LRRC9: variants seen among roughly 807,000 people sequenced by gnomAD.
The protein encoded by LRRC9 is leucine rich repeat containing 9, also known as leucine-rich repeat-containing protein 9.
Under a neutral mutation model 63.2 loss-of-function variants are expected in LRRC9, and 122 were observed. The observed-to-expected ratio is 1.93, with a 90% CI of 1.67 to 2.24. The LOEUF is 2.24. Among genes scored for constraint, LRRC9 ranks in the 30% most tolerant of loss-of-function variants. The pLI is 0.00. For missense variants in LRRC9, 1,071 were observed against 627.7 expected (o/e 1.71, Z -7.55); for synonymous variants, 366 against 213.1 (o/e 1.72, Z -6.25).
intron 31 of LRRC9, 108 bp from the exon 33 acceptor site, chr14:60,063,215 G>T: frequency 1.6e-6 from 1 of 631,292 alleles, no homozygotes; most frequent in South Asian, 1.8e-5. Context: ...TTGAAATTGC[G>T]CACATCTAAA....
In LRRC9 at chr14:60,017,978, A is replaced by G. The variant is rs780703430; in HGVS notation, c.3318-393A>G. Among the ~76,000 whole-genome samples the G allele has an allele frequency of 2.6e-5, 4 of 152,032 alleles. No homozygotes were observed. Among genetic ancestry groups the G allele is most frequent in the Non-Finnish European group, 4.4e-5 (3 of 67,956 alleles). On this transcript the variant is annotated intron_variant, in intron 24 of 31. Transcript: ENST00000445360. The surrounding 1 kb of genome is among the most constrained non-coding windows in gnomAD (Gnocchi z 4.0). ...GGTATTTCAGAAATGACCTACTTCA[A>G]TATATATCATCTGAAGTTTATAACC... is the stretch of plus-strand genomic sequence containing the variant.
At position 60,031,035 on chromosome 14, in the gene LRRC9, C is replaced by T. The variant is rs1175959387; in HGVS notation, c.3922-960C>T. On this transcript the variant is annotated intron_variant, in intron 28 of 31. Coordinates refer to ENST00000445360, the Ensembl canonical transcript of LRRC9. The surrounding 1 kb of genome is among the most constrained non-coding windows in gnomAD (Gnocchi z 4.6). ...TTTCACTAGTGACTACTGTTGTGTTCGGTTTAATTTGAGAAAATAATGTAA... is the reference window on the plus strand; with the variant it reads ...TTTCACTAGTGACTACTGTTGTGTTTGGTTTAATTTGAGAAAATAATGTAA... 1.3e-5 allele frequency among the ~76,000 whole-genome samples: 2 copies of T among 151,922 alleles called. No homozygotes were observed. Among genetic ancestry groups the T allele is most frequent in the Non-Finnish European group, 2.9e-5 (2 of 67,930 alleles).
chr14:59,931,265 T>G (rs1384103662), intron 4 of LRRC9, among the ~76,000 whole-genome samples: 1 of 152,112 alleles, frequency 6.6e-6, no homozygotes, highest in Non-Finnish European at 1.5e-5. Flanking sequence ...TTTACAAGGC[T>G]AAGAGGTAGG....
intron 13 of LRRC9, among the ~76,000 whole-genome samples, chr14:59,975,025 G>A (rs1594913136): frequency 3.1e-5 from 2 of 64,990 alleles, no homozygotes; most frequent in Non-Finnish European, 6.6e-5. Context: ...ATATATATAT[G>A]TGTCACAGCA....
chr14:60,006,822 C>A (rs908651152), intron 22 of LRRC9: 5 of 353,570 alleles, frequency 1.4e-5, no homozygotes, highest in Non-Finnish European at 2.5e-5. Context: ...CATTTGCTAT[C>A]CTTCTGGGGT....
At chr14:59,956,282 T>C (rs1566812378) in intron 8 of LRRC9, among the ~76,000 whole-genome samples, 1 of 152,168 alleles carries the variant, frequency 6.6e-6, no homozygotes, top group Admixed American at 6.5e-5. Flanking sequence ...AGTCTCTTTG[T>C]AGATCTCTAA....
At chr14:60,007,083 G>A (rs78782748) in intron 22 of LRRC9, among the ~76,000 whole-genome samples, 2,296 of 152,260 alleles carry the variant, frequency 0.015, 56 homozygotes, top group African/African-American at 0.052. Flanking sequence ...TACTTCAAAT[G>A]TCATGTGTGA....
At chr14:59,972,369 AATTTAC>A (rs1481469216) in intron 12 of LRRC9, among the ~76,000 whole-genome samples, 1 of 152,060 alleles carries the variant, frequency 6.6e-6, no homozygotes, top group Non-Finnish European at 1.5e-5. Context: ...TTAAAATACA[AATTTAC>A]ATTCATGTGT....
intron 1 of LRRC9, among the ~76,000 whole-genome samples, chr14:59,920,657 A>C (rs934017840): frequency 6.6e-6 from 1 of 152,124 alleles, no homozygotes; most frequent in African/African-American, 2.4e-5. Flanking sequence ...ATCCTTTTAT[A>C]CCCAAAGGAG....
In LRRC9 at chr14:60,022,718, T is replaced by A. The variant is rs1431196359; in HGVS notation, c.3567-16T>A. The A allele has an allele frequency of 1.7e-6, 1 of 587,250 alleles. No individual in the cohort carries two copies. The highest frequency in any genetic ancestry group is 2.2e-5 in the South Asian group (1 of 44,856). The allele number at this position is 587,250 out of a possible 1,614,324, so 36.4% of individuals were successfully genotyped here. A position where few individuals can be genotyped will look rare whatever the true frequency, so the allele number is the denominator to read the frequency against. ...GAAGTTAAGTTTATGGCCTCAAACT[T>A]ACCTATGTGTTTCAGAGATATAATG... On this transcript the variant is annotated splice_polypyrimidine_tract_variant and intron_variant, in intron 26 of 31. Coordinates refer to ENST00000445360, the Ensembl canonical transcript of LRRC9.
intron 8 of LRRC9, among the ~76,000 whole-genome samples, chr14:59,949,317 T>C (rs532753803): frequency 6.6e-6 from 1 of 152,314 alleles, no homozygotes; most frequent in East Asian, 1.9e-4. Flanking sequence ...TAGTATTCTC[T>C]GATGGTAGTT....
chr14:59,959,849 C>T (rs551403585), exon 9 of LRRC9: 10 of 658,494 alleles, frequency 1.5e-5, no homozygotes, highest in African/African-American at 1.1e-4. Flanking sequence ...CTCAAGGGCT[C>T]GGGCAAAGGG....
At chr14:60,000,165 C>G (rs1429226579) in intron 19 of LRRC9, among the ~76,000 whole-genome samples, 2 of 152,090 alleles carry the variant, frequency 1.3e-5, no homozygotes, top group South Asian at 2.1e-4. Context: ...AGCTGGAGAC[C>G]ATTATCCTAA....
Position 59,923,259 on chromosome 14 carries a change from AT to A in LRRC9, c.-34+3378del, listed in dbSNP as rs1888933297. The stretch of plus-strand genomic sequence containing the variant: ...AACTTATAGAATTTGGGGTTTTTAA[AT>A]TAAATTGTATTTTTCTAATTAGCTG... On this transcript the variant is annotated intron_variant, in intron 1 of 31. Transcript: ENST00000445360. The surrounding 1 kb of genome is among the most constrained non-coding windows in gnomAD (Gnocchi z 4.2). Among the ~76,000 whole-genome samples the A allele has an allele frequency of 6.6e-6, 1 of 152,230 alleles. No homozygotes were observed. The highest frequency in any genetic ancestry group is 2.4e-5 in the African/African-American group (1 of 41,470).
At chr14:59,942,000 C>T (rs1199983569) in intron 7 of LRRC9, among the ~76,000 whole-genome samples, 2 of 152,192 alleles carry the variant, frequency 1.3e-5, no homozygotes, top group Non-Finnish European at 2.9e-5. Flanking sequence ...TACAATTCTA[C>T]TCTGTACTTC....
chr14:59,955,197 G>A (rs993931758), intron 8 of LRRC9, among the ~76,000 whole-genome samples: 1 of 152,094 alleles, frequency 6.6e-6, no homozygotes, highest in Non-Finnish European at 1.5e-5. Context: ...TCTATTGTTT[G>A]GAATAGTTTC....
At position 59,977,219 on chromosome 14, in the gene LRRC9, A is replaced by T; in HGVS notation, c.1640-6A>T. 1 of 664,820 alleles carries T rather than the reference A, an allele frequency of 1.5e-6. No individual in the cohort carries two copies. Among genetic ancestry groups the T allele is most frequent in the Admixed American group, 2.7e-5 (1 of 37,338 alleles). The allele number at this position is 664,820 out of a possible 1,614,324, so 41.2% of individuals were successfully genotyped here. A position where few individuals can be genotyped will look rare whatever the true frequency, so the allele number is the denominator to read the frequency against. On this transcript the variant is annotated splice_region_variant and splice_polypyrimidine_tract_variant and intron_variant, in intron 13 of 31. Transcript: ENST00000445360. ...TTAAGAATTACTTCTGTTTTTTTAT[A>T]TTTAGGCATCCTCCTCATTACAAAA... is the stretch of plus-strand genomic sequence containing the variant.
chr14:60,041,931 A>G (rs1226911620), intron 29 of LRRC9, among the ~76,000 whole-genome samples: 1 of 151,964 alleles, frequency 6.6e-6, no homozygotes, highest in African/African-American at 2.4e-5. Context: ...GGGTTTTGGT[A>G]TGGATGTCCT....
chr14:59,994,476 A>G (rs1888519492), intron 17 of LRRC9, among the ~76,000 whole-genome samples: 1 of 152,228 alleles, frequency 6.6e-6, no homozygotes, highest in Non-Finnish European at 1.5e-5. Flanking sequence ...ATCTAGAACT[A>G]GAAATACCAT....
Sources: gnomAD v4.1 joint callset for allele counts (sites outside exome capture counted in the v4.1 genomes callset) on GRCh38, gnomAD v4.1.1 for gene constraint, Gnocchi (gnomAD v3.1) non-coding constraint, MANE v1.5 for transcripts, NCBI Gene and HGNC (gene_info 2026-07-23, HGNC 2026-07-21) for gene names.